PRSS23: variants seen among roughly 807,000 people sequenced by gnomAD.
PRSS23 encodes the protein serine protease 23, also known as protease, serine 23.
A neutral mutation model predicts 34.7 loss-of-function variants in PRSS23; 25 were observed. That is an observed-to-expected ratio of 0.72 (90% CI 0.53 to 1.01). PRSS23 has a LOEUF of 1.01. PRSS23 is among the 50% of genes least tolerant of loss of function. PRSS23 has a pLI of 0.00. For missense variants in PRSS23, 445 were observed against 475.6 expected (o/e 0.94, Z 0.60); for synonymous variants, 176 against 186.6 (o/e 0.94, Z 0.46).
intron 2 of PRSS23, among the ~76,000 whole-genome samples, chr11:86,824,066 C>G (rs189285448): frequency 4.3e-5 from 6 of 140,306 alleles, no homozygotes; most frequent in Non-Finnish European, 9.3e-5. Context: ...GAAGAGAAGT[C>G]AAAGCCAAAA....
At position 86,952,026 on chromosome 11, in the gene PRSS23, C is replaced by A; in HGVS notation, c.*741C>A. On this transcript the variant is annotated 3_prime_UTR_variant, in exon 3 of 3. Coordinates refer to the PRSS23 transcript ENST00000533902. ...TCAGGGTAGGAAAACCTAGAAGAAT[C>A]GATCAGGAAGGTCAGTACTGTGAAG... The A allele has an allele frequency of 6.2e-7, 1 of 1,613,966 alleles. No individual in the cohort carries two copies.
At chr11:86,925,143 G>A (rs1459239740) in intron 2 of PRSS23, 1 of 152,166 alleles carries the variant, frequency 6.6e-6, no homozygotes, top group Admixed American at 6.5e-5. Context: ...TTGCTGGCTG[G>A]CTGCCCAGTT....
At chr11:86,832,766 G>C (rs192056905) in intron 2 of PRSS23, 1 of 290,092 alleles carries the variant, frequency 3.4e-6, no homozygotes, top group Non-Finnish European at 6.7e-6. Context: ...CCCACCTGAT[G>C]ATGAAACACT....
chr11:86,946,107 T>G (rs1949240237), intron 2 of PRSS23: 1 of 152,398 alleles, frequency 6.6e-6, no homozygotes, highest in Non-Finnish European at 1.5e-5. Context: ...AACATCCCTG[T>G]GAGGTAGACA....
At chr11:86,941,410 T>C (rs1590938000) in intron 2 of PRSS23, among the ~76,000 whole-genome samples, 1 of 152,332 alleles carries the variant, frequency 6.6e-6, no homozygotes, top group Non-Finnish European at 1.5e-5. Context: ...GGTTATGTCT[T>C]ATTTATCTGT....
chr11:86,950,724 G>A (rs1949283066), intron 2 of PRSS23: 1 of 248,268 alleles, frequency 4.0e-6, no homozygotes, highest in South Asian at 6.0e-5. Flanking sequence ...GAAAGACCCA[G>A]TTAGTATTTA....
intron 2 of PRSS23, among the ~76,000 whole-genome samples, chr11:86,870,206 C>A (rs1256803867): frequency 1.3e-5 from 2 of 151,940 alleles, no homozygotes; most frequent in Non-Finnish European, 1.5e-5. Flanking sequence ...CCAGAGTCAT[C>A]ATCTGTGCCT....
At chr11:86,837,127 C>G (rs1295969733) in intron 2 of PRSS23, 1 of 152,172 alleles carries the variant, frequency 6.6e-6, no homozygotes, top group African/African-American at 2.4e-5. Context: ...TACAGCCTAT[C>G]TTTTCCAAAG....
Position 86,898,763 on chromosome 11 carries a change from C to A in PRSS23, c.207-52453C>A, listed in dbSNP as rs946275640. On this transcript the variant is annotated intron_variant, in intron 2 of 2. Transcript: ENST00000533902. Reference sequence around the variant, plus strand: ...CTTTCCAGGCAGAGGGAATTGCATGCGGTGTGCATATCTCTTCTCTGAACC... The same window carrying A: ...CTTTCCAGGCAGAGGGAATTGCATGAGGTGTGCATATCTCTTCTCTGAACC... Among the ~76,000 whole-genome samples, 10 of 152,298 alleles carry A rather than the reference C, an allele frequency of 6.6e-5. 1 individual carries two copies. Among genetic ancestry groups the A allele is most frequent in the Admixed American group, 3.3e-4 (5 of 15,296 alleles).
rs1249963856 is a variant in PRSS23, at chr11:86,832,389, A to G, written c.206+8796A>G. The stretch of plus-strand genomic sequence containing the variant: ...CCATGTGTGTACACTCTGTGATAGT[A>G]TTTTTCATATCCTAGGGAGCTATTA... On this transcript the variant is annotated intron_variant, in intron 2 of 2. Coordinates refer to the PRSS23 transcript ENST00000533902. Among the ~76,000 whole-genome samples, 3 of 152,060 alleles carry G rather than the reference A, an allele frequency of 2.0e-5. No individual in the cohort carries two copies. In the East Asian group the frequency reaches 5.8e-4, roughly 29 times the overall value.
At chr11:86,922,793 G>C (rs529452348) in intron 2 of PRSS23, among the ~76,000 whole-genome samples, 1 of 152,266 alleles carries the variant, frequency 6.6e-6, no homozygotes, top group East Asian at 1.9e-4. Flanking sequence ...TATTACCCTG[G>C]TATGTTTGTT....
intron 2 of PRSS23, among the ~76,000 whole-genome samples, chr11:86,904,336 G>T (rs1948929025): frequency 6.6e-6 from 1 of 151,954 alleles, no homozygotes; most frequent in Admixed American, 6.6e-5. Context: ...AGTCGAGACT[G>T]ATTTCCTCAT....
chr11:86,939,432 T>TTTTTTA (rs1555084024), intron 2 of PRSS23, among the ~76,000 whole-genome samples: 9 of 111,618 alleles, frequency 8.1e-5, no homozygotes, highest in Non-Finnish European at 9.6e-5. Flanking sequence ...ATATATTTTT[T>TTTTTTA]AACATGAGTA....
chr11:86,806,759 A>C (rs570080469), intron 1 of PRSS23, among the ~76,000 whole-genome samples: 1 of 152,212 alleles, frequency 6.6e-6, no homozygotes, highest in African/African-American at 2.4e-5. Flanking sequence ...CCATTTAACA[A>C]ATCTTTGTCG....
At chr11:86,904,864 A>C (rs1189977901) in intron 2 of PRSS23, among the ~76,000 whole-genome samples, 1 of 151,758 alleles carries the variant, frequency 6.6e-6, no homozygotes, top group Non-Finnish European at 1.5e-5. Context: ...CCTGAGCAAC[A>C]TATTGAGATC....
intron 2 of PRSS23, chr11:86,836,759 C>G (rs1313318150): frequency 2.0e-5 from 3 of 152,216 alleles, no homozygotes; most frequent in Non-Finnish European, 2.9e-5. Context: ...AATGGTCAAG[C>G]ATACCCAGGG....
intron 2 of PRSS23, among the ~76,000 whole-genome samples, chr11:86,826,708 G>T (rs1948304048): frequency 6.6e-6 from 1 of 152,176 alleles, no homozygotes; most frequent in South Asian, 2.1e-4. Flanking sequence ...ATGAAGCATT[G>T]TTGAATTTTG....
At chr11:86,816,243 T>G (rs1291970035) in intron 1 of PRSS23, among the ~76,000 whole-genome samples, 2 of 152,184 alleles carry the variant, frequency 1.3e-5, no homozygotes, top group Non-Finnish European at 2.9e-5. Flanking sequence ...ATTCAGCAAA[T>G]GTCCTCAAGC....
At chr11:86,834,673 T>A (rs1948390725) in intron 2 of PRSS23, among the ~76,000 whole-genome samples, 1 of 151,750 alleles carries the variant, frequency 6.6e-6, no homozygotes, top group South Asian at 2.1e-4. Context: ...CAATAATAAT[T>A]TCCTAATGGC....
Sources: gnomAD v4.1 joint callset for allele counts (sites outside exome capture counted in the v4.1 genomes callset) on GRCh38, gnomAD v4.1.1 for gene constraint, MANE v1.5 for transcripts, NCBI Gene and HGNC (gene_info 2026-07-23, HGNC 2026-07-21) for gene names.